Variants in TRAF3IP2 observed in about 807,000 individuals in gnomAD.
TRAF3IP2 encodes the protein E3 ubiquitin ligase TRAF3IP2.
Under a neutral mutation model 57.9 loss-of-function variants are expected in TRAF3IP2, and 35 were observed. The observed-to-expected ratio is 0.60, with a 90% CI of 0.46 to 0.80. TRAF3IP2 has a LOEUF of 0.80. TRAF3IP2 is among the 30% of genes least tolerant of loss of function. The pLI, the probability that TRAF3IP2 is intolerant of heterozygous loss-of-function variation, is 0.00. For synonymous variants in TRAF3IP2, 251 were observed against 268.9 expected (o/e 0.93, Z 0.65); for missense variants, 556 against 706.4 (o/e 0.79, Z 2.41).
At position 111,592,037 on chromosome 6, in the gene TRAF3IP2, C is replaced by T; in HGVS notation, c.50G>A (p.Ser17Asn). ...TTCTGGGATTGGTTTCAGCAACTGA[C>T]TTGGGTATGGTTCTGATTCATCAAC... ...VEVDESEPYPSQLLKPIPEYS... is the reference protein window; with the variant it reads ...VEVDESEPYPNQLLKPIPEYS... The change falls in exon 2 of 9, where the codon AGT (serine) becomes AAT (asparagine). Residue 17 changes from serine to asparagine, a missense_variant. By Grantham distance (46) the Ser-to-Asn change is conservative (BLOSUM62 1). Around this residue, in one of 2 missense-constraint regions of TRAF3IP2, gnomAD observed 428 missense variants for 498.7 expected, o/e 0.86. Coordinates refer to ENST00000368761, the MANE Select transcript of TRAF3IP2 (RefSeq NM_147686.4). 6.2e-7 allele frequency: 1 copy of T among 1,614,208 alleles called. No individual in the cohort carries two copies. The highest frequency in any genetic ancestry group is 8.5e-7 in the Non-Finnish European group (1 of 1,180,030).
chr6:111,591,504 T>G lies in TRAF3IP2; in HGVS notation c.583A>C (p.Ile195Leu). The change falls in exon 2 of 9, where the codon ATA becomes CTA. Residue 195 changes from isoleucine (I) to leucine (L), a missense_variant. By Grantham distance (5) the Ile-to-Leu change is conservative. Around this residue, in one of 2 missense-constraint regions of TRAF3IP2, gnomAD observed 428 missense variants for 498.7 expected, o/e 0.86. Coordinates refer to ENST00000368761, the MANE Select transcript of TRAF3IP2 (RefSeq NM_147686.4). The surrounding 1 kb of genome is among the most constrained non-coding windows in gnomAD (Gnocchi z 4.9). ...GGCTGGGAATCATATCCCGTGTCTA[T>G]GGTTGGCAGATCCAGGCCTGCTCGG... ...RNRAGLDLPT[I>L]DTGYDSQPQD... is the part of the protein sequence containing the mutation. 6.2e-7 allele frequency: 1 copy of G among 1,612,024 alleles called. No homozygotes were observed. Among genetic ancestry groups the G allele is most frequent in the East Asian group, 2.2e-5 (1 of 44,826 alleles).
At position 111,556,268 on chromosome 6, in the gene TRAF3IP2, CT is replaced by C. The variant is rs1795239757; in HGVS notation, c.*3136del. On this transcript the variant is annotated 3_prime_UTR_variant, in exon 9 of 9. Transcript: ENST00000368761. Reference sequence around the variant, plus strand: ...TTGGTTTGTTTTTTTGCTACCAGTGCTACCAGCTGTAACACTTTAATGACTC... The same window carrying C: ...TTGGTTTGTTTTTTTGCTACCAGTGCACCAGCTGTAACACTTTAATGACTC... 6.6e-6 allele frequency among the ~76,000 whole-genome samples: 1 copy of C among 151,900 alleles called. No homozygotes were observed. Among genetic ancestry groups the C allele is most frequent in the East Asian group, 1.9e-4 (1 of 5,182 alleles).
At chr6:111,571,914 CA>C (rs558813082) in intron 5 of TRAF3IP2, among the ~76,000 whole-genome samples, 2,363 of 115,916 alleles carry the variant, frequency 0.02, 30 homozygotes, top group African/African-American at 0.051. Flanking sequence ...GACTCTGTCT[CA>C]AAAAAAAAAA....
intron 8 of TRAF3IP2, among the ~76,000 whole-genome samples, chr6:111,561,721 G>C (rs964524278): frequency 6.6e-6 from 1 of 152,164 alleles, no homozygotes; most frequent in African/African-American, 2.4e-5. Flanking sequence ...AAGAAAGGTG[G>C]ATATGATCTT....
At chr6:111,601,114 C>A in intron 1 of TRAF3IP2, 2 of 705,164 alleles carry the variant, frequency 2.8e-6, no homozygotes, top group Non-Finnish European at 2.7e-6. Flanking sequence ...ACTGGTTCAG[C>A]TATTGGGAGG....
In TRAF3IP2 at chr6:111,591,317, G is replaced by C; in HGVS notation, c.770C>G (p.Pro257Arg). Residue 257 changes from proline to arginine, a missense_variant, in exon 2 of 9, where the codon CCA becomes CGA. Physicochemically the swap from Pro to Arg is moderately radical, Grantham distance 103 (BLOSUM62 -2). Transcript: ENST00000368761. This position sits in a 1 kb window ranked among gnomAD's most constrained non-coding sequence, Gnocchi z 4.9. ...CAQMLPPNLS[P>R]HAPWNYHYHC... ...GTAATGATAGTTCCATGGAGCATGT[G>C]GGGAAAGATTGGGAGGCAGCATCTG... 1.3e-6 allele frequency: 2 copies of C among 1,517,330 alleles called. No homozygotes were observed. Among genetic ancestry groups the C allele is most frequent in the South Asian group, 2.7e-5 (2 of 74,084 alleles). 94.0% of individuals were successfully genotyped at this position (1,517,330 alleles called of 1,614,324 possible). A position where few individuals can be genotyped will look rare whatever the true frequency, so the allele number is the denominator to read the frequency against.
chr6:111,567,503 G>A (rs963197639), intron 6 of TRAF3IP2, 121 bp downstream of exon 6: 9 of 1,328,232 alleles, frequency 6.8e-6, no homozygotes, highest in Non-Finnish European at 8.9e-6. Context: ...GGGAGGCTTT[G>A]TTGGGGCTTT....
intron 8 of TRAF3IP2, among the ~76,000 whole-genome samples, chr6:111,562,440 G>A (rs1245161616): frequency 6.6e-6 from 1 of 152,086 alleles, no homozygotes; most frequent in Non-Finnish European, 1.5e-5. Flanking sequence ...TGAACAATTA[G>A]GACAGCAGTG....
At chr6:111,589,100 C>T (rs1375696892) in intron 2 of TRAF3IP2, among the ~76,000 whole-genome samples, 1 of 119,546 alleles carries the variant, frequency 8.4e-6, no homozygotes, top group African/African-American at 3.2e-5. Context: ...GAGATGGAGT[C>T]TCACTGTGTC....
At chr6:111,581,879 G>A (rs886387082) in intron 2 of TRAF3IP2, among the ~76,000 whole-genome samples, 6 of 152,210 alleles carry the variant, frequency 3.9e-5, no homozygotes, top group African/African-American at 7.2e-5. Context: ...TCAGGAAGCT[G>A]AGGCAGGAGA....
In TRAF3IP2 at chr6:111,559,310, C is replaced by A. The variant is rs558920189; in HGVS notation, c.*95G>T. On this transcript the variant is annotated 3_prime_UTR_variant, in exon 9 of 9. Coordinates refer to ENST00000368761, the MANE Select transcript of TRAF3IP2 (RefSeq NM_147686.4). ...CCTCTCGGGGAGGAACAGAAAAAAACCAGCCAGGAGTGCTACCGACCAGCC... is the reference window on the plus strand; with the variant it reads ...CCTCTCGGGGAGGAACAGAAAAAAAACAGCCAGGAGTGCTACCGACCAGCC... The A allele has an allele frequency of 8.4e-5, 126 of 1,508,610 alleles. No homozygotes were observed. Among genetic ancestry groups the A allele is most frequent in the South Asian group, 1.3e-4 (10 of 74,484 alleles). 93.5% of individuals were successfully genotyped at this position (1,508,610 alleles called of 1,614,324 possible). A position where few individuals can be genotyped will look rare whatever the true frequency, so the allele number is the denominator to read the frequency against.
At chr6:111,560,758 A>G (rs1371624137) in intron 8 of TRAF3IP2, among the ~76,000 whole-genome samples, 3 of 152,246 alleles carry the variant, frequency 2.0e-5, no homozygotes, top group Non-Finnish European at 4.4e-5. Flanking sequence ...TCTATTTTGT[A>G]TATCGCCATG....
chr6:111,569,930 A>G (rs1183535012), intron 5 of TRAF3IP2, among the ~76,000 whole-genome samples: 1 of 152,190 alleles, frequency 6.6e-6, no homozygotes, highest in African/African-American at 2.4e-5. Flanking sequence ...TCCTCCACAC[A>G]GCTACTATTA....
At chr6:111,577,747 T>C (rs1263818879) in intron 3 of TRAF3IP2, among the ~76,000 whole-genome samples, 1 of 151,570 alleles carries the variant, frequency 6.6e-6, no homozygotes, top group African/African-American at 2.4e-5. Flanking sequence ...AGTCTCACTC[T>C]GTCACCCAGG....
intron 2 of TRAF3IP2, among the ~76,000 whole-genome samples, chr6:111,587,628 T>C (rs1562431283): frequency 6.6e-6 from 1 of 151,876 alleles, no homozygotes; most frequent in African/African-American, 2.4e-5. Context: ...CTTAATTCCC[T>C]GCTCCCCTCC....
At chr6:111,601,323 AT>A (rs1796856560) in intron 1 of TRAF3IP2, 1 of 628,556 alleles carries the variant, frequency 1.6e-6, no homozygotes, top group African/African-American at 1.8e-5. Flanking sequence ...AGGCATCTTG[AT>A]TTGAGAAAAG....
intron 2 of TRAF3IP2, 71 bp from the exon 3 acceptor site, chr6:111,580,460 C>G: frequency 1.4e-6 from 2 of 1,402,120 alleles, no homozygotes; most frequent in Non-Finnish European, 1.9e-6. Flanking sequence ...GAGTCATAAG[C>G]TCCATGCTCA....
At chr6:111,593,247 G>A (rs1796574913) in intron 1 of TRAF3IP2, among the ~76,000 whole-genome samples, 1 of 152,210 alleles carries the variant, frequency 6.6e-6, no homozygotes, top group Non-Finnish European at 1.5e-5. Context: ...TCAAATACCA[G>A]AGAGAGAAAA....
Position 111,575,682 on chromosome 6 carries a change from T to C in TRAF3IP2, c.1162A>G (p.Arg388Gly), listed in dbSNP as rs551559794. ...AAATTGCTTGTTTTTAGAGTTCCTC[T>C]GGCTGGAGGGTTGCTAGGGGGTCTA... ...VPRPPSNPPA[R>G]GTLKTSNLPE... Residue 388 changes from arginine to glycine, a missense_variant, in exon 4 of 9, where the codon AGA becomes GGA. Around this residue, in one of 2 missense-constraint regions of TRAF3IP2, gnomAD observed 428 missense variants for 498.7 expected, o/e 0.86. Coordinates refer to ENST00000368761, the MANE Select transcript of TRAF3IP2 (RefSeq NM_147686.4). 6.2e-7 allele frequency: 1 copy of C among 1,613,294 alleles called. No homozygotes were observed. The highest frequency in any genetic ancestry group is 1.3e-5 in the African/African-American group (1 of 74,940).
Sources: allele counts gnomAD v4.1 joint callset (sites outside exome capture counted in the v4.1 genomes callset), GRCh38; gene constraint gnomAD v4.1.1; regional missense constraint gnomAD v4.1.1; non-coding constraint Gnocchi (gnomAD v3.1); transcripts MANE v1.5; gene names NCBI Gene and HGNC (gene_info 2026-07-23, HGNC 2026-07-21).